The following NFYB variants were observed in gnomAD, a reference collection of about 807,000 sequenced individuals.
NFYB encodes the protein nuclear transcription factor Y subunit beta, also known as CAAT box DNA-binding protein subunit B.
Under a neutral mutation model 28.0 loss-of-function variants are expected in NFYB, and 13 were observed. The ratio of observed to expected loss-of-function variants is 0.46; its 90% confidence interval spans 0.30 to 0.74. The LOEUF (loss-of-function observed/expected upper bound fraction) is 0.74, where lower values mean the gene tolerates loss of function less well. Ranked by LOEUF, NFYB falls within the 30% of genes least tolerant of loss-of-function variation. NFYB has a pLI of 0.07. For missense variants in NFYB, 142 were observed against 247.6 expected (o/e 0.57, Z 2.86); for synonymous variants, 74 against 75.0 (o/e 0.99, Z 0.07).
Position 104,123,209 on chromosome 12 carries a change from G to A in NFYB, c.429+17C>T. The A allele has an allele frequency of 6.3e-7, 1 of 1,580,026 alleles. No homozygotes were observed. The highest frequency in any genetic ancestry group is 8.6e-7 in the Non-Finnish European group (1 of 1,160,328). On this transcript the variant is annotated intron_variant, in intron 5 of 7. Coordinates refer to ENST00000240055, the MANE Select transcript of NFYB (RefSeq NM_006166.4). ...AAAGAAGAAAAAAAAAAGCACAATG[G>A]GAGATATTTTATTTACCTCTCTGAA...
At chr12:104,132,557 G>C (rs958342124) in intron 2 of NFYB, among the ~76,000 whole-genome samples, 1 of 152,208 alleles carries the variant, frequency 6.6e-6, no homozygotes, top group Non-Finnish European at 1.5e-5. Flanking sequence ...GTCTGGGTGA[G>C]AGCGCTGGAG....
At chr12:104,120,203 C>T (rs867365148) in intron 7 of NFYB, among the ~76,000 whole-genome samples, 197 bp downstream of exon 7, 14 of 152,006 alleles carry the variant, frequency 9.2e-5, no homozygotes, top group Admixed American at 3.3e-4. Context: ...TACAGGTACA[C>T]GCCATGACGC....
intron 3 of NFYB, among the ~76,000 whole-genome samples, chr12:104,128,149 A>G (rs1750600375): frequency 6.6e-6 from 1 of 152,234 alleles, no homozygotes; most frequent in African/African-American, 2.4e-5. Context: ...TTAACATTTA[A>G]ACAGGAAGTC....
chr12:104,121,646 T>G (rs1313748182), intron 5 of NFYB, among the ~76,000 whole-genome samples: 2 of 152,162 alleles, frequency 1.3e-5, no homozygotes, highest in African/African-American at 4.8e-5. Flanking sequence ...CCACCAATAT[T>G]GAGCTTATAA....
chr12:104,128,958 G>C, intron 2 of NFYB, among the ~76,000 whole-genome samples: 1 of 152,172 alleles, frequency 6.6e-6, no homozygotes. Context: ...ATCAGCCACC[G>C]CAACCAGCCT....
chr12:104,122,562 C>T (rs1040427340), intron 5 of NFYB, among the ~76,000 whole-genome samples: 2 of 152,140 alleles, frequency 1.3e-5, no homozygotes, highest in Admixed American at 1.3e-4. Flanking sequence ...TTCTCATAGG[C>T]GCTGGAACCC....
rs866255500 is a variant in NFYB, at chr12:104,125,231, C to A, written c.231+883G>T. Reference sequence around the variant, plus strand: ...TACTGCAACATTATAGAAGTTACAGCTTCAGTCTACGGCCATACCACCCTG... The same window carrying A: ...TACTGCAACATTATAGAAGTTACAGATTCAGTCTACGGCCATACCACCCTG... On this transcript the variant is annotated intron_variant, in intron 4 of 7. Transcript: ENST00000240055. 1.4e-4 allele frequency: 21 copies of A among 154,506 alleles called. 1 individual carries two copies. Among genetic ancestry groups the A allele is most frequent in the Non-Finnish European group, 2.1e-4 (15 of 70,026 alleles). 9.6% of individuals were successfully genotyped at this position (154,506 alleles called of 1,614,324 possible). A position where few individuals can be genotyped will look rare whatever the true frequency, so the allele number is the denominator to read the frequency against.
At chr12:104,132,568 A>C (rs1301967172) in intron 2 of NFYB, among the ~76,000 whole-genome samples, 2 of 152,216 alleles carry the variant, frequency 1.3e-5, no homozygotes, top group African/African-American at 4.8e-5. Context: ...AGCGCTGGAG[A>C]TCAAGAGAAG....
At chr12:104,125,198 C>T (rs2030638604) in intron 4 of NFYB, 1 of 152,328 alleles carries the variant, frequency 6.6e-6, no homozygotes, top group African/African-American at 2.4e-5. Flanking sequence ...ACCAATACGA[C>T]CTAAATTTAC....
At chr12:104,120,034 A>C (rs894740500) in intron 7 of NFYB, among the ~76,000 whole-genome samples, 2 of 151,918 alleles carry the variant, frequency 1.3e-5, no homozygotes, top group African/African-American at 4.8e-5. Flanking sequence ...GTTGAAATTA[A>C]CTATATCAAT....
At chr12:104,128,302 G>A (rs10507174) in intron 3 of NFYB, 122 bp downstream of exon 3, 58,251 of 566,254 alleles carry the variant, frequency 0.1, 3,549 homozygotes, top group Admixed American at 0.2. Context: ...TCATTGAACC[G>A]TAACACAAGA....
At chr12:104,120,901 TACTC>T (rs1380931863) in intron 6 of NFYB, among the ~76,000 whole-genome samples, 5 of 152,186 alleles carry the variant, frequency 3.3e-5, no homozygotes, top group Non-Finnish European at 7.3e-5. Flanking sequence ...GACAACATGA[TACTC>T]AATTTAAAAA....
chr12:104,119,816 T>G (rs749200065), intron 7 of NFYB, 47 bp from the exon 8 acceptor site: 2 of 1,262,864 alleles, frequency 1.6e-6, no homozygotes, highest in African/African-American at 2.9e-5. Flanking sequence ...AAAAGGAGAT[T>G]AAAAGTACCA....
chr12:104,135,883 T>C (rs1419413681), intron 1 of NFYB, among the ~76,000 whole-genome samples: 2 of 152,206 alleles, frequency 1.3e-5, no homozygotes, highest in African/African-American at 4.8e-5. Flanking sequence ...CCAAAAATTA[T>C]ACATCTAAAT....
At position 104,133,459 on chromosome 12, in the gene NFYB, G is replaced by A. The variant is rs377233547; in HGVS notation, c.6+1989C>T. On this transcript the variant is annotated intron_variant, in intron 2 of 7. Transcript: ENST00000240055. Reference sequence around the variant, plus strand: ...AGAAGTGCACCCTGGACGACGGTGAGGAGCACTGGCTCTTAGGACCGATTT... The same window carrying A: ...AGAAGTGCACCCTGGACGACGGTGAAGAGCACTGGCTCTTAGGACCGATTT... Among the ~76,000 whole-genome samples the A allele has an allele frequency of 2.6e-5, 4 of 152,346 alleles. No individual in the cohort carries two copies. The East Asian group carries it at 5.8e-4, about 22-fold the overall frequency.
At chr12:104,123,983 T>A (rs1482987963) in intron 4 of NFYB, among the ~76,000 whole-genome samples, 53 of 152,066 alleles carry the variant, frequency 3.5e-4, no homozygotes, top group Non-Finnish European at 8.8e-5. Flanking sequence ...TTAAAAAAAT[T>A]TTAAAAAGAT....
At position 104,117,617 on chromosome 12, in the gene NFYB, G is replaced by A. The variant is rs559961701; in HGVS notation, c.*2120C>T. Reference sequence around the variant, plus strand: ...GACGGGGGGTTCTCCATGTTGGCCAGGCTGGTCTCAAACTCCTGACCTCAA... The same window carrying A: ...GACGGGGGGTTCTCCATGTTGGCCAAGCTGGTCTCAAACTCCTGACCTCAA... On this transcript the variant is annotated 3_prime_UTR_variant, in exon 8 of 8. Coordinates refer to ENST00000240055, the MANE Select transcript of NFYB (RefSeq NM_006166.4). 6.6e-6 allele frequency: 1 copy of A among 152,252 alleles called. No individual in the cohort carries two copies. Among genetic ancestry groups the A allele is most frequent in the Non-Finnish European group, 1.5e-5 (1 of 68,142 alleles). The allele number at this position is 152,252 out of a possible 1,614,324, so 9.4% of individuals were successfully genotyped here. A position where few individuals can be genotyped will look rare whatever the true frequency, so the allele number is the denominator to read the frequency against.
At position 104,118,173 on chromosome 12, in the gene NFYB, T is replaced by TA. The variant is rs1438970847; in HGVS notation, c.*1563dup. ...TATGCACAATATGAGCCCATTTTTA[T>TA]AAAAATATACATATTTAGCAAAGTA... On this transcript the variant is annotated 3_prime_UTR_variant, in exon 8 of 8. Coordinates refer to ENST00000240055, the MANE Select transcript of NFYB (RefSeq NM_006166.4). 6.6e-6 allele frequency: 1 copy of TA among 152,238 alleles called. No homozygotes were observed. Among genetic ancestry groups the TA allele is most frequent in the Non-Finnish European group, 1.5e-5 (1 of 68,044 alleles). 9.4% of individuals were successfully genotyped at this position (152,238 alleles called of 1,614,324 possible).
rs993848649 is a variant in NFYB, at chr12:104,123,221, T to C, written c.429+5A>G. On this transcript the variant is annotated splice_donor_5th_base_variant and intron_variant, in intron 5 of 7. Transcript: ENST00000240055. ...AAAAAGCACAATGGGAGATATTTTA[T>C]TTACCTCTCTGAATTTCTGAAGGTA... 1 of 1,600,256 alleles carries C rather than the reference T, an allele frequency of 6.2e-7. No homozygotes were observed. Among genetic ancestry groups the C allele is most frequent in the African/African-American group, 1.3e-5 (1 of 74,242 alleles).
Sources: gnomAD v4.1 joint callset for allele counts (sites outside exome capture counted in the v4.1 genomes callset) on GRCh38, gnomAD v4.1.1 for gene constraint, MANE v1.5 for transcripts, NCBI Gene and HGNC (gene_info 2026-07-23, HGNC 2026-07-21) for gene names.